Variants in AMMECR1 observed in about 807,000 individuals in gnomAD.
AMMECR1 encodes nuclear protein AMMECR1.
Under a neutral mutation model 22.5 loss-of-function variants are expected in AMMECR1, and 3 were observed. That is an observed-to-expected ratio of 0.13 (90% CI 0.06 to 0.35). AMMECR1 has a LOEUF of 0.35. AMMECR1 is among the 10% of genes least tolerant of loss of function. The pLI is 1.00. For synonymous variants in AMMECR1, 130 were observed against 116.7 expected (o/e 1.11, Z -0.74); for missense variants, 235 against 278.7 (o/e 0.84, Z 1.12).
At chrX:110,345,909 A>G (rs1347943089) in intron 2 of AMMECR1, among the ~76,000 whole-genome samples, 3 of 111,653 alleles carry the variant, frequency 2.7e-5, no homozygotes, top group African/African-American at 6.5e-5. Context: ...CATAAATACA[A>G]GGTTCTCTGA....
intron 1 of AMMECR1, among the ~76,000 whole-genome samples, chrX:110,438,819 T>A (rs2068858221): frequency 8.9e-6 from 1 of 112,268 alleles, no homozygotes; most frequent in Non-Finnish European, 1.9e-5. Context: ...CAAAGGAACA[T>A]CTTATCCTTT....
At chrX:110,246,121 A>C (rs1445438120) in intron 2 of AMMECR1, among the ~76,000 whole-genome samples, 2 of 112,117 alleles carry the variant, frequency 1.8e-5, no homozygotes, top group Non-Finnish European at 3.8e-5. Context: ...CAATTAGTAC[A>C]TATAGATTCT....
At chrX:110,363,864 A>G (rs975029432) in intron 2 of AMMECR1, among the ~76,000 whole-genome samples, 3 of 111,919 alleles carry the variant, frequency 2.7e-5, no homozygotes, top group Admixed American at 1.9e-4. Context: ...AGGCAACTCT[A>G]TGATATCATA....
intron 2 of AMMECR1, among the ~76,000 whole-genome samples, chrX:110,353,230 C>G (rs963750668): frequency 6.4e-5 from 7 of 109,034 alleles, no homozygotes; most frequent in Admixed American, 9.7e-5. Flanking sequence ...GTCTGGCTAA[C>G]AGTTTGTCAA....
chrX:110,297,331 G>A (rs1056213564), intron 1 of AMMECR1, among the ~76,000 whole-genome samples: 1 of 111,131 alleles, frequency 9.0e-6, no homozygotes, highest in Non-Finnish European at 1.9e-5. Context: ...CAAATGTCCC[G>A]AGGATAGGGC....
chrX:110,368,253 T>C (rs1161736641), intron 2 of AMMECR1, among the ~76,000 whole-genome samples: 2 of 110,663 alleles, frequency 1.8e-5, no homozygotes, highest in African/African-American at 6.6e-5. Context: ...AATCAGATCA[T>C]GTCATGCTCC....
intron 2 of AMMECR1, among the ~76,000 whole-genome samples, chrX:110,360,010 C>T (rs189465299): frequency 7.9e-4 from 89 of 112,023 alleles, no homozygotes; most frequent in Non-Finnish European, 5.1e-4. Flanking sequence ...CAGAGAAAAG[C>T]ATAGTATTTG....
intron 1 of AMMECR1, among the ~76,000 whole-genome samples, chrX:110,427,689 C>T (rs776109189): frequency 8.9e-6 from 1 of 112,422 alleles, no homozygotes; most frequent in African/African-American, 3.2e-5. Flanking sequence ...CTGAGAACTA[C>T]TGCTCTATAG....
Position 110,433,756 on chromosome X carries a change from A to G in AMMECR1, c.-294+6134T>C, listed in dbSNP as rs141307473. ...ACTAGCCTTTCTTCTTATCATGATC[A>G]TCTTCATTGTCATTATCGGCATATT... On this transcript the variant is annotated intron_variant, in intron 1 of 7. Transcript: ENST00000372057. Among the ~76,000 whole-genome samples the G allele has an allele frequency of 2.2e-4, 25 of 112,258 alleles. No individual in the cohort carries two copies. In the East Asian group the frequency reaches 3.4e-3, roughly 15 times the overall value.
chrX:110,228,637 G>GGCA (rs2067546071), intron 2 of AMMECR1, among the ~76,000 whole-genome samples: 1 of 111,170 alleles, frequency 9.0e-6, no homozygotes, highest in African/African-American at 3.3e-5. Context: ...ACAGGCACCT[G>GGCA]GCACGTGTCA....
chrX:110,214,708 GACAC>G (rs1486332616), intron 3 of AMMECR1, among the ~76,000 whole-genome samples: 1 of 111,102 alleles, frequency 9.0e-6, no homozygotes, highest in African/African-American at 3.3e-5. Flanking sequence ...TCATGTTTGT[GACAC>G]ACACACATGC....
At chrX:110,389,413 T>G (rs745902650) in intron 2 of AMMECR1, among the ~76,000 whole-genome samples, 1 of 112,132 alleles carries the variant, frequency 8.9e-6, no homozygotes, top group South Asian at 3.7e-4. Context: ...TCAAAACATC[T>G]GGGATTTTGT....
chrX:110,210,188 C>G (rs890691716), intron 3 of AMMECR1, among the ~76,000 whole-genome samples: 3 of 109,292 alleles, frequency 2.7e-5, no homozygotes, highest in Non-Finnish European at 5.7e-5. Context: ...TGTTGATGCA[C>G]AGCAAACTCT....
chrX:110,403,254 A>G (rs892428941), intron 2 of AMMECR1, among the ~76,000 whole-genome samples: 11 of 112,216 alleles, frequency 9.8e-5, no homozygotes, highest in African/African-American at 3.6e-4. Flanking sequence ...TTATTCTACA[A>G]AATTTGTGGG....
At chrX:110,228,895 G>C (rs1464159048) in intron 2 of AMMECR1, among the ~76,000 whole-genome samples, 1 of 112,149 alleles carries the variant, frequency 8.9e-6, no homozygotes, top group Non-Finnish European at 1.9e-5. Flanking sequence ...TTATTCAAGG[G>C]AAAGGCTATA....
At chrX:110,281,034 G>A (rs1291909312) in intron 1 of AMMECR1, among the ~76,000 whole-genome samples, 1 of 112,152 alleles carries the variant, frequency 8.9e-6, no homozygotes, top group African/African-American at 3.2e-5. Flanking sequence ...GAAAGAAAGT[G>A]CCACTAAAAA....
intron 1 of AMMECR1, among the ~76,000 whole-genome samples, chrX:110,298,087 TAA>T (rs1424755492): frequency 9.0e-6 from 1 of 111,634 alleles, no homozygotes; most frequent in Non-Finnish European, 1.9e-5. Flanking sequence ...ACTTTAATTT[TAA>T]ATAAAAGAAC....
At chrX:110,368,867 A>G (rs1461785970) in intron 2 of AMMECR1, among the ~76,000 whole-genome samples, 1 of 111,656 alleles carries the variant, frequency 9.0e-6, no homozygotes, top group Non-Finnish European at 1.9e-5. Context: ...GATTCCTGCC[A>G]TCTTCAGATG....
intron 2 of AMMECR1, among the ~76,000 whole-genome samples, chrX:110,354,504 T>A (rs1204471674): frequency 2.7e-5 from 3 of 112,273 alleles, no homozygotes; most frequent in Non-Finnish European, 5.6e-5. Flanking sequence ...CAAATACTAT[T>A]CCACTTTATA....
Sources: allele counts gnomAD v4.1 joint callset (sites outside exome capture counted in the v4.1 genomes callset), GRCh38; gene constraint gnomAD v4.1.1; transcripts MANE v1.5; gene names NCBI Gene and HGNC (gene_info 2026-07-23, HGNC 2026-07-21).